BAZ2B: variants seen among roughly 807,000 people sequenced by gnomAD.
The protein encoded by BAZ2B is bromodomain adjacent to zinc finger domain 2B.
Under a neutral mutation model 246.0 loss-of-function variants are expected in BAZ2B, and 91 were observed. The ratio of observed to expected loss-of-function variants is 0.37; its 90% confidence interval spans 0.31 to 0.44. The LOEUF is 0.44. BAZ2B is among the 20% of genes least tolerant of loss of function. BAZ2B has a pLI of 1.00. For missense variants in BAZ2B, 2,332 were observed against 2,533.7 expected (o/e 0.92, Z 1.71); for synonymous variants, 855 against 860.0 (o/e 0.99, Z 0.10).
rs368903159 is a variant in BAZ2B, at chr2:159,400,608, T to C, written c.2889A>G (p.Gln963=). 1.9e-6 allele frequency: 3 copies of C among 1,567,258 alleles called. No individual in the cohort carries two copies. The highest frequency in any genetic ancestry group is 2.6e-6 in the Non-Finnish European group (3 of 1,144,988). The change falls in exon 17 of 37, where the codon CAA becomes CAG. Residue 963 remains glutamine (Q), a synonymous_variant. Transcript: ENST00000392783. The stretch of plus-strand genomic sequence containing the variant: ...AATTTAAGACTTCTACCTCTAGAAT[T>C]TGCTGAGCTCGAAGTTCTTTTTCCA... The part of the protein sequence containing the change: ...IRMEKELRAQ[Q]ILEAKKKKKE...
intron 2 of BAZ2B, among the ~76,000 whole-genome samples, chr2:159,492,511 T>C (rs577412853): frequency 6.6e-6 from 1 of 152,356 alleles, no homozygotes; most frequent in African/African-American, 2.4e-5. Context: ...AGAAATCATG[T>C]TTTTAGTATC....
At chr2:159,474,626 T>C (rs1577490209) in intron 3 of BAZ2B, among the ~76,000 whole-genome samples, 1 of 152,210 alleles carries the variant, frequency 6.6e-6, no homozygotes, top group Non-Finnish European at 1.5e-5. Flanking sequence ...TTTTGTCTGT[T>C]AGTTGGTGCA....
intron 6 of BAZ2B, among the ~76,000 whole-genome samples, chr2:159,442,726 G>A (rs906828859): frequency 6.6e-6 from 1 of 152,248 alleles, no homozygotes; most frequent in Non-Finnish European, 1.5e-5. Flanking sequence ...ATGAGTCTAA[G>A]TACCTCAAAT....
chr2:159,707,950 C>T, the BAZ2B span, among the ~76,000 whole-genome samples: 1 of 152,106 alleles, frequency 6.6e-6, no homozygotes, highest in Non-Finnish European at 1.5e-5. Context: ...GAGACTGAGC[C>T]ACTGCATTCC....
chr2:159,324,684 ACACACCTGC>A, intron 36 of BAZ2B, 118 bp downstream of exon 36: 2 of 295,944 alleles, frequency 6.8e-6, no homozygotes, highest in Non-Finnish European at 1.2e-5. Context: ...ACACACACAC[ACACACCTGC>A]CTCAAAGGCA....
At position 159,389,328 on chromosome 2, in the gene BAZ2B, C is replaced by T; in HGVS notation, c.3216+17G>A. The T allele has an allele frequency of 1.3e-6, 2 of 1,571,262 alleles. No individual in the cohort carries two copies. The highest frequency in any genetic ancestry group is 1.7e-6 in the Non-Finnish European group (2 of 1,162,582). On this transcript the variant is annotated intron_variant, in intron 21 of 36. Coordinates refer to ENST00000392783, the MANE Select transcript of BAZ2B (RefSeq NM_013450.4). ...TTAAACTTATGAATGAAATGGTGTA[C>T]ATGACGTATAAATTACCTTTTGGTC... is the stretch of plus-strand genomic sequence containing the variant.
At chr2:159,407,330 G>A (rs1357868747) in intron 14 of BAZ2B, among the ~76,000 whole-genome samples, 1 of 151,912 alleles carries the variant, frequency 6.6e-6, no homozygotes, top group Non-Finnish European at 1.5e-5. Flanking sequence ...AAATTAGCCA[G>A]GCGTGGTGGT....
chr2:159,401,247 A>C (rs149142280), intron 16 of BAZ2B, among the ~76,000 whole-genome samples: 1 of 152,224 alleles, frequency 6.6e-6, no homozygotes, highest in African/African-American at 2.4e-5. Context: ...ATCTTTATAG[A>C]TATTTGCAGT....
intron 34 of BAZ2B, among the ~76,000 whole-genome samples, chr2:159,332,339 A>AAC (rs398080753): frequency 6.6e-6 from 1 of 151,178 alleles, no homozygotes; most frequent in African/African-American, 2.4e-5. Flanking sequence ...AAAAAAAAAA[A>AAC]ATTAGCTGGG....
chr2:159,569,010 T>C (rs914720076), intron 1 of BAZ2B, among the ~76,000 whole-genome samples: 24 of 139,588 alleles, frequency 1.7e-4, no homozygotes, highest in Middle Eastern at 3.4e-3. Flanking sequence ...ATCTTTTTTT[T>C]CTACTTATTG....
chr2:159,594,897 T>C (rs914354087), intron 1 of BAZ2B, among the ~76,000 whole-genome samples: 2 of 152,102 alleles, frequency 1.3e-5, no homozygotes, highest in Admixed American at 1.3e-4. Context: ...CCTCCCAAAG[T>C]GCTGGGATTA....
intron 3 of BAZ2B, chr2:159,464,611 A>C (rs1313706726): frequency 6.6e-6 from 1 of 152,184 alleles, no homozygotes; most frequent in Non-Finnish European, 1.5e-5. Flanking sequence ...AGTCACTGGG[A>C]GCCGCGGTAG....
chr2:159,517,600 AATC>A (rs1369398737), intron 2 of BAZ2B, among the ~76,000 whole-genome samples: 16 of 152,246 alleles, frequency 1.1e-4, no homozygotes, highest in African/African-American at 3.6e-4. Flanking sequence ...ACAACAATAT[AATC>A]ATGTTAAGAT....
intron 2 of BAZ2B, among the ~76,000 whole-genome samples, chr2:159,495,788 GAGAC>G (rs2081049690): frequency 8.7e-6 from 1 of 115,136 alleles, no homozygotes; most frequent in East Asian, 3.0e-4. Context: ...TTTTTTTTTT[GAGAC>G]AGAGTCTCGC....
At chr2:159,668,405 ATATAT>A in the BAZ2B span, among the ~76,000 whole-genome samples, 15 of 152,140 alleles carry the variant, frequency 9.9e-5, no homozygotes, top group Admixed American at 4.6e-4. Flanking sequence ...CCTTGGGGTA[ATATAT>A]TCCATCTTTC....
In BAZ2B at chr2:159,373,084, A is replaced by G. The variant is rs750441440; in HGVS notation, c.4174T>C (p.Cys1392Arg). ...YRRRYWILPQ[C>R]GGIFVEGMES... ...ATGCCTTCTACAAAAATCCCCCCAC[A>G]TTGGGGAAGAATCCAGTACCGGCGT... Residue 1392 changes from cysteine (C) to arginine (R), a missense_variant, in exon 27 of 37, where the codon TGT (cysteine) becomes CGT (arginine). By Grantham distance (180) the Cys-to-Arg change is radical (BLOSUM62 -3). Transcript: ENST00000392783. 1 of 1,613,994 alleles carries G rather than the reference A, an allele frequency of 6.2e-7. No homozygotes were observed. Among genetic ancestry groups the G allele is most frequent in the Admixed American group, 1.7e-5 (1 of 60,012 alleles).
At position 159,567,067 on chromosome 2, in the gene BAZ2B, A is replaced by C. The variant is rs187440267; in HGVS notation, c.-45-11202T>G. The stretch of plus-strand genomic sequence containing the variant: ...AGACCATCCTGGCCAACATGATGAG[A>C]CCTTGTTTCTACTAAAAATACAAAA... On this transcript the variant is annotated intron_variant, in intron 1 of 36. Coordinates refer to ENST00000392783, the MANE Select transcript of BAZ2B (RefSeq NM_013450.4). Among the ~76,000 whole-genome samples, 3 of 152,166 alleles carry C rather than the reference A, an allele frequency of 2.0e-5. No homozygotes were observed. The East Asian group carries it at 5.8e-4, about 29-fold the overall frequency.
chr2:159,496,929 G>GA (rs2081236097), intron 2 of BAZ2B, among the ~76,000 whole-genome samples: 1 of 151,726 alleles, frequency 6.6e-6, no homozygotes, highest in African/African-American at 2.4e-5. Context: ...AATAGGTGGT[G>GA]TATTATTTAT....
intron 3 of BAZ2B, chr2:159,464,890 C>T (rs2076857695): frequency 6.6e-6 from 1 of 152,124 alleles, no homozygotes; most frequent in African/African-American, 2.4e-5. Context: ...TAATATAATT[C>T]TTGTTTTACT....
Sources: gnomAD v4.1 joint callset for allele counts (sites outside exome capture counted in the v4.1 genomes callset) on GRCh38, gnomAD v4.1.1 for gene constraint, MANE v1.5 for transcripts, NCBI Gene and HGNC (gene_info 2026-07-23, HGNC 2026-07-21) for gene names.